WNT8A: variants seen among roughly 807,000 people sequenced by gnomAD.
WNT8A encodes Wnt family member 8A.
Under a neutral mutation model 20.5 loss-of-function variants are expected in WNT8A, and 14 were observed. The observed-to-expected ratio is 0.68, with a 90% CI of 0.45 to 1.07. WNT8A has a LOEUF of 1.07. Ranked by LOEUF, WNT8A falls within the 50% of genes least tolerant of loss-of-function variation. WNT8A has a pLI of 0.00. For missense variants in WNT8A, 397 were observed against 462.9 expected (o/e 0.86, Z 1.31); for synonymous variants, 167 against 169.2 (o/e 0.99, Z 0.10).
rs199721486 is a variant in WNT8A, at chr5:138,084,580, G to T, written c.239G>T (p.Arg80Leu). The T allele has an allele frequency of 8.4e-5, 136 of 1,613,520 alleles. 1 individual carries two copies. Among genetic ancestry groups the T allele is most frequent in the Middle Eastern group, 8.2e-4 (5 of 6,082 alleles). Residue 80 changes from arginine to leucine, a missense_variant, in exon 2 of 5, where the codon CGC (arginine) becomes CTC (leucine). Arg to Leu is a moderately radical substitution (Grantham distance 102). Coordinates refer to ENST00000506684, the MANE Select transcript of WNT8A (RefSeq NM_001300939.2). ...EECKFQFAWE[R>L]WNCPENALQL... ...TGCAAGTTCCAGTTTGCTTGGGAAC[G>T]CTGGAACTGCCCTGAAAATGCTCTT... is the stretch of plus-strand genomic sequence containing the variant.
upstream of WNT8A, among the ~76,000 whole-genome samples, chr5:138,083,151 G>A (rs1750551630): frequency 6.6e-6 from 1 of 151,820 alleles, no homozygotes; most frequent in East Asian, 1.9e-4. Context: ...TGTGGTGGCT[G>A]GCACCTGTAG....
At chr5:138,080,870 A>G (rs1262504541), upstream of WNT8A, among the ~76,000 whole-genome samples, 2 of 152,262 alleles carry the variant, frequency 1.3e-5, no homozygotes, top group East Asian at 3.9e-4. Context: ...TATCTTGCCC[A>G]AGGTCACACA....
At chr5:138,080,108 A>AAGCC (rs532198646), upstream of WNT8A, among the ~76,000 whole-genome samples, 626 of 152,202 alleles carry the variant, frequency 4.1e-3, 1 homozygote, top group South Asian at 0.019. Context: ...AAATCCCTTG[A>AAGCC]AGCCAGGAGT....
chr5:138,088,858 G>T, intron 3 of WNT8A, 69 bp from the exon 4 acceptor site: 1 of 1,574,674 alleles, frequency 6.4e-7, no homozygotes, highest in South Asian at 1.2e-5. Context: ...GGCTCTTGGG[G>T]GTGGTTTGGC....
upstream of WNT8A, among the ~76,000 whole-genome samples, chr5:138,079,054 A>G (rs779343748): frequency 6.6e-6 from 1 of 152,082 alleles, no homozygotes; most frequent in Non-Finnish European, 1.5e-5. Flanking sequence ...AGTAAGCTCC[A>G]TGAAGGCGGG....
intron 3 of WNT8A, 133 bp from the exon 4 acceptor site, chr5:138,088,794 C>T: frequency 1.6e-6 from 2 of 1,275,072 alleles, no homozygotes; most frequent in Non-Finnish European, 2.1e-6. Flanking sequence ...CTCCCACCCA[C>T]CCCAAGCACC....
At chr5:138,086,027 A>G (rs983878165) in intron 2 of WNT8A, among the ~76,000 whole-genome samples, 2 of 152,006 alleles carry the variant, frequency 1.3e-5, no homozygotes, top group Non-Finnish European at 2.9e-5. Context: ...CATGGCCCAA[A>G]CTTCCCAGTC....
chr5:138,088,028 C>G, intron 3 of WNT8A, 97 bp downstream of exon 3: 1 of 1,496,608 alleles, frequency 6.7e-7, no homozygotes, highest in Non-Finnish European at 9.0e-7. Context: ...GGACACAGCT[C>G]CCTTAAACCT....
chr5:138,088,783 A>T, intron 3 of WNT8A, 144 bp from the exon 4 acceptor site: 1 of 1,091,230 alleles, frequency 9.2e-7, no homozygotes, highest in Non-Finnish European at 1.3e-6. Context: ...TGGCAACAGG[A>T]CTCCCACCCA....
chr5:138,091,406 T>G lies in WNT8A; in HGVS notation c.*333T>G. 5.1e-6 allele frequency: 7 copies of G among 1,373,300 alleles called. No homozygotes were observed. The highest frequency in any genetic ancestry group is 6.8e-6 in the Non-Finnish European group (7 of 1,036,300). The allele number at this position is 1,373,300 out of a possible 1,614,324, so 85.1% of individuals were successfully genotyped here. A position where few individuals can be genotyped will look rare whatever the true frequency, so the allele number is the denominator to read the frequency against. ...TATCTAGAGGGACCTTCAAAGTATT[T>G]GTTCCTTTAAATTTCAGACCATGTC... On this transcript the variant is annotated 3_prime_UTR_variant, in exon 5 of 5. Coordinates refer to ENST00000506684, the MANE Select transcript of WNT8A (RefSeq NM_001300939.2).
intron 2 of WNT8A, among the ~76,000 whole-genome samples, chr5:138,085,627 T>C (rs540353112): frequency 6.2e-4 from 94 of 152,052 alleles, no homozygotes; most frequent in African/African-American, 2.1e-3. Context: ...GGCAGGAGGA[T>C]CGCTTGAGTT....
In WNT8A at chr5:138,087,942, C is replaced by G. The variant is rs750234528; in HGVS notation, c.421+11C>G. 6.2e-7 allele frequency: 1 copy of G among 1,613,180 alleles called. No homozygotes were observed. The highest frequency in any genetic ancestry group is 8.5e-7 in the Non-Finnish European group (1 of 1,179,502). On this transcript the variant is annotated intron_variant, in intron 3 of 4. Coordinates refer to ENST00000506684, the MANE Select transcript of WNT8A (RefSeq NM_001300939.2). ...ACAATGGAAAAACAGGTAAGTTGAG[C>G]TTTCTAATGGGGGTGGGAAGAGGTG...
intron 2 of WNT8A, 95 bp from the exon 3 acceptor site, chr5:138,087,711 G>C: frequency 7.7e-7 from 1 of 1,291,188 alleles, no homozygotes; most frequent in Non-Finnish European, 1.0e-6. Flanking sequence ...AAGGAAGTGG[G>C]GGATAAGGGA....
chr5:138,081,073 C>G (rs1036409634), upstream of WNT8A, among the ~76,000 whole-genome samples: 4 of 151,928 alleles, frequency 2.6e-5, no homozygotes, highest in Non-Finnish European at 4.4e-5. Flanking sequence ...AACCCTGTCT[C>G]TACTAAAAAT....
At position 138,091,205 on chromosome 5, in the gene WNT8A, T is replaced by A; in HGVS notation, c.*132T>A. The stretch of plus-strand genomic sequence containing the variant: ...TCTGTAGTCCTCATGATATCTGCTA[T>A]CAGTGGGGAAAATGGAGGCCCAAGA... On this transcript the variant is annotated 3_prime_UTR_variant, in exon 5 of 5. Coordinates refer to ENST00000506684, the MANE Select transcript of WNT8A (RefSeq NM_001300939.2). 1 of 1,541,424 alleles carries A rather than the reference T, an allele frequency of 6.5e-7. No homozygotes were observed. The highest frequency in any genetic ancestry group is 8.7e-7 in the Non-Finnish European group (1 of 1,155,890).
At chr5:138,085,289 A>T (rs1424893869) in intron 2 of WNT8A, among the ~76,000 whole-genome samples, 2 of 152,148 alleles carry the variant, frequency 1.3e-5, no homozygotes, top group Non-Finnish European at 2.9e-5. Context: ...GTACACACTG[A>T]TCTTGCACTG....
At chr5:138,083,522 C>G (rs1439936499), upstream of WNT8A, among the ~76,000 whole-genome samples, 1 of 152,146 alleles carries the variant, frequency 6.6e-6, no homozygotes, top group African/African-American at 2.4e-5. Flanking sequence ...GCTCCATCAC[C>G]TCACAGCCTT....
chr5:138,085,550 A>G (rs1203498039), intron 2 of WNT8A, among the ~76,000 whole-genome samples: 1 of 152,114 alleles, frequency 6.6e-6, no homozygotes, highest in Non-Finnish European at 1.5e-5. Flanking sequence ...GAGAGTAAAG[A>G]AGACGGAGAA....
Position 138,088,997 on chromosome 5 carries a change from T to G in WNT8A, c.492T>G (p.Phe164Leu). 1 of 1,613,956 alleles carries G rather than the reference T, an allele frequency of 6.2e-7. No homozygotes were observed. The highest frequency in any genetic ancestry group is 1.3e-5 in the African/African-American group (1 of 75,002). ...VEFGERISKL[F>L]VDSLEKGKDA... ...TTGGGGAAAGGATCTCCAAACTCTTTGTGGACAGTTTGGAGAAGGGGAAGG... is the reference window on the plus strand; with the variant it reads ...TTGGGGAAAGGATCTCCAAACTCTTGGTGGACAGTTTGGAGAAGGGGAAGG... Residue 164 changes from phenylalanine to leucine, a missense_variant, in exon 4 of 5, where the codon TTT (phenylalanine) becomes TTG (leucine). Physicochemically the swap from Phe to Leu is conservative, Grantham distance 22. Coordinates refer to ENST00000506684, the MANE Select transcript of WNT8A (RefSeq NM_001300939.2).
Sources: allele counts gnomAD v4.1 joint callset (sites outside exome capture counted in the v4.1 genomes callset), GRCh38; gene constraint gnomAD v4.1.1; transcripts MANE v1.5; gene names NCBI Gene and HGNC (gene_info 2026-07-23, HGNC 2026-07-21).